Variants in CHD6 observed in about 807,000 individuals in gnomAD.
CHD6 encodes chromodomain helicase DNA binding protein 6.
CHD6 carries 50 observed loss-of-function variants against 276.9 expected under a neutral mutation model. That is an observed-to-expected ratio of 0.18 (90% CI 0.14 to 0.23). CHD6 has a LOEUF of 0.23. CHD6 is among the 10% of genes least tolerant of loss of function. The probability of loss-of-function intolerance (pLI) is 1.00; values close to 1 mark genes in which losing one functional copy is unlikely to be tolerated. For synonymous variants in CHD6, 1,173 were observed against 1,229.3 expected (o/e 0.95, Z 0.96); for missense variants, 2,564 against 3,365.8 (o/e 0.76, Z 5.89).
At chr20:41,594,655 C>G (rs997873750) in intron 1 of CHD6, among the ~76,000 whole-genome samples, 14 of 152,240 alleles carry the variant, frequency 9.2e-5, no homozygotes, top group Admixed American at 7.8e-4. Flanking sequence ...GCCCTTCCTG[C>G]TTAATCTGTA....
rs750508155 is a variant in CHD6 at position 41,484,389 on chromosome 20, C to T, written c.2220G>A (p.Glu740=). 6.2e-7 allele frequency: 1 copy of T among 1,613,874 alleles called. No homozygotes were observed. The highest frequency in any genetic ancestry group is 8.5e-7 in the Non-Finnish European group (1 of 1,179,814). ...AGGGATGGTTACAGCACTTCCTCAG[C>T]TCCATCATGGTGTTGATGAGATTGG... ...NMPNLINTMM[E]LRKCCNHPYL... Residue 740 remains glutamate (E), a synonymous_variant, in exon 15 of 37, where the codon GAG becomes GAA. Transcript: ENST00000373233.
intron 2 of CHD6, among the ~76,000 whole-genome samples, chr20:41,539,164 C>CT (rs1222711538): frequency 2.0e-5 from 3 of 152,200 alleles, no homozygotes; most frequent in Non-Finnish European, 4.4e-5. Flanking sequence ...TTCTTTCTTG[C>CT]TCCCCACACA....
intron 27 of CHD6, among the ~76,000 whole-genome samples, chr20:41,434,397 A>C (rs935089440): frequency 1.3e-5 from 2 of 152,022 alleles, no homozygotes; most frequent in Non-Finnish European, 2.9e-5. Context: ...TTGAGACAGA[A>C]TCTCGCTCTG....
At chr20:41,456,379 T>G (rs1345475467) in intron 18 of CHD6, among the ~76,000 whole-genome samples, 2 of 151,958 alleles carry the variant, frequency 1.3e-5, no homozygotes, top group Non-Finnish European at 2.9e-5. Flanking sequence ...TTATTCATTA[T>G]TAAATAAATA....
chr20:41,515,281 C>A (rs886813810), intron 3 of CHD6, among the ~76,000 whole-genome samples: 2 of 152,200 alleles, frequency 1.3e-5, no homozygotes, highest in Non-Finnish European at 2.9e-5. Context: ...TACTAAGAAT[C>A]ATCAAATTAC....
intron 3 of CHD6, among the ~76,000 whole-genome samples, chr20:41,532,311 C>T (rs1420105073): frequency 1.3e-5 from 2 of 152,282 alleles, no homozygotes; most frequent in Non-Finnish European, 2.9e-5. Flanking sequence ...ATAAACAGAT[C>T]AGGAATGGTC....
rs1260183303 is a variant in CHD6 at position 41,404,407 on chromosome 20, T to A, written c.*186A>T. The A allele has an allele frequency of 5.4e-6, 7 of 1,292,932 alleles. No homozygotes were observed. Among genetic ancestry groups the A allele is most frequent in the South Asian group, 3.2e-5 (1 of 31,102 alleles). The allele number at this position is 1,292,932 out of a possible 1,614,324, so 80.1% of individuals were successfully genotyped here. A position where few individuals can be genotyped will look rare whatever the true frequency, so the allele number is the denominator to read the frequency against. On this transcript the variant is annotated 3_prime_UTR_variant, in exon 37 of 37. Coordinates refer to ENST00000373233, the MANE Select transcript of CHD6 (RefSeq NM_032221.5). ...CCTCCTAGACTAGGTAGACAACACT[T>A]ATCTAATGAAGTGGTGAGACCCTGC...
intron 23 of CHD6, 69 bp from the exon 24 acceptor site, chr20:41,448,040 G>T: frequency 2.4e-6 from 2 of 828,860 alleles, no homozygotes; most frequent in Non-Finnish European, 3.8e-6. Flanking sequence ...ACATCCCCAA[G>T]TTAACACTGG....
intron 17 of CHD6, among the ~76,000 whole-genome samples, chr20:41,472,451 GCCAC>G (rs1396809264): frequency 1.3e-5 from 2 of 152,094 alleles, no homozygotes; most frequent in South Asian, 2.1e-4. Flanking sequence ...AAGGTTTTGA[GCCAC>G]CCACCCACCT....
At chr20:41,572,535 C>T (rs544792890) in intron 1 of CHD6, among the ~76,000 whole-genome samples, 7 of 152,178 alleles carry the variant, frequency 4.6e-5, no homozygotes, top group Non-Finnish European at 1.0e-4. Context: ...TACCACTTCC[C>T]TCTGCATGCC....
chr20:41,430,743 A>T (rs1348939212), intron 27 of CHD6, among the ~76,000 whole-genome samples: 1 of 152,212 alleles, frequency 6.6e-6, no homozygotes, highest in Admixed American at 6.5e-5. Flanking sequence ...TATGAGAATA[A>T]GGTATTATGT....
At chr20:41,411,435 A>G (rs1338033782) in intron 36 of CHD6, among the ~76,000 whole-genome samples, 8 of 151,992 alleles carry the variant, frequency 5.3e-5, no homozygotes, top group African/African-American at 1.7e-4. Flanking sequence ...GGGAAAGGCA[A>G]AAGTCCCCAT....
chr20:41,436,410 C>G (rs1052779200), intron 27 of CHD6, among the ~76,000 whole-genome samples: 17 of 152,140 alleles, frequency 1.1e-4, no homozygotes, highest in Non-Finnish European at 1.9e-4. Flanking sequence ...TCATGCATTG[C>G]TAATGGGAAT....
intron 1 of CHD6, among the ~76,000 whole-genome samples, chr20:41,554,061 G>A (rs2045184689): frequency 6.6e-6 from 1 of 152,096 alleles, no homozygotes; most frequent in African/African-American, 2.4e-5. Context: ...AAGGTAGGAG[G>A]ATCATCTGAG....
chr20:41,476,937 G>T (rs2043181081), intron 16 of CHD6, among the ~76,000 whole-genome samples: 1 of 152,072 alleles, frequency 6.6e-6, no homozygotes, highest in African/African-American at 2.4e-5. Context: ...GGCTGGAGCA[G>T]ACAGAGACAG....
intron 4 of CHD6, 84 bp downstream of exon 4, chr20:41,514,721 G>A (rs1163847605): frequency 6.8e-7 from 1 of 1,467,838 alleles, no homozygotes; most frequent in South Asian, 1.3e-5. Flanking sequence ...CTAGAGAAAG[G>A]CATAGAGGAG....
intron 27 of CHD6, among the ~76,000 whole-genome samples, chr20:41,427,084 T>C (rs570694176): frequency 7.2e-5 from 11 of 152,170 alleles, no homozygotes; most frequent in African/African-American, 2.6e-4. Context: ...TCTTACGTTT[T>C]TAAAGGGTGA....
rs145738416 is a variant in CHD6 at position 41,496,438 on chromosome 20, G to A, written c.1092+946C>T. ...GATTTCATCAGGAGTCTATCTCTGC[G>A]CATGTGGGAAGTTGCAGGCTCTTGG... On this transcript the variant is annotated intron_variant, in intron 8 of 36. Transcript: ENST00000373233. Among the ~76,000 whole-genome samples, 964 of 152,234 alleles carry A rather than the reference G, an allele frequency of 6.3e-3. 10 individuals are homozygous for A. Among genetic ancestry groups the A allele is most frequent in the Middle Eastern group, 0.024 (7 of 294 alleles).
intron 1 of CHD6, among the ~76,000 whole-genome samples, chr20:41,597,879 T>C (rs903870231): frequency 2.0e-4 from 31 of 152,206 alleles, no homozygotes; most frequent in Non-Finnish European, 5.9e-5. Flanking sequence ...TTTGCCCTTC[T>C]TGGAAATTCT....
Sources: gnomAD v4.1 joint callset for allele counts (sites outside exome capture counted in the v4.1 genomes callset) on GRCh38, gnomAD v4.1.1 for gene constraint, MANE v1.5 for transcripts, NCBI Gene and HGNC (gene_info 2026-07-23, HGNC 2026-07-21) for gene names.